The following KAZN variants were observed in gnomAD, a reference collection of about 807,000 sequenced individuals.
KAZN encodes the protein kazrin, periplakin interacting protein.
KAZN carries 40 observed loss-of-function variants against 87.4 expected under a neutral mutation model. The observed-to-expected ratio is 0.46, with a 90% CI of 0.36 to 0.60. The LOEUF (loss-of-function observed/expected upper bound fraction) is 0.60. KAZN is among the 20% of genes least tolerant of loss of function. The pLI, the probability that KAZN is intolerant of heterozygous loss-of-function variation, is 0.00. For missense variants in KAZN, 898 were observed against 1,073.9 expected (o/e 0.84, Z 2.29); for synonymous variants, 466 against 458.3 (o/e 1.02, Z -0.22).
chr1:15,107,970 G>T (rs915213705), intron 13 of KAZN, among the ~76,000 whole-genome samples: 1 of 152,144 alleles, frequency 6.6e-6, no homozygotes, highest in Non-Finnish European at 1.5e-5. Context: ...TTCTGCCCCT[G>T]CCTTCATCTG....
At chr1:14,286,166 A>G (rs571232975) in intron 2 of KAZN, among the ~76,000 whole-genome samples, 58 of 152,286 alleles carry the variant, frequency 3.8e-4, no homozygotes, top group African/African-American at 1.4e-3. Flanking sequence ...GAAGTCCAAG[A>G]TCAAGGCATT....
intron 5 of KAZN, among the ~76,000 whole-genome samples, chr1:15,058,645 C>T (rs560554716): frequency 1.9e-3 from 284 of 152,238 alleles, no homozygotes; most frequent in African/African-American, 6.5e-3. Context: ...CTCTGGGATT[C>T]GACAGGATAA....
intron 2 of KAZN, among the ~76,000 whole-genome samples, chr1:14,227,181 T>A (rs1222756494): frequency 1.3e-5 from 2 of 152,204 alleles, no homozygotes; most frequent in Non-Finnish European, 2.9e-5. Flanking sequence ...AGTCAGATTG[T>A]ACTGGCAACC....
intron 1 of KAZN, among the ~76,000 whole-genome samples, chr1:14,682,004 A>G (rs1640691313): frequency 6.6e-6 from 1 of 151,928 alleles, no homozygotes; most frequent in African/African-American, 2.4e-5. Flanking sequence ...CTATTTTTAA[A>G]TGTATTGTTC....
At chr1:14,772,896 C>T (rs1302808075) in intron 1 of KAZN, among the ~76,000 whole-genome samples, 2 of 152,048 alleles carry the variant, frequency 1.3e-5, no homozygotes, top group Admixed American at 6.5e-5. Context: ...TGGGGCACAC[C>T]ACATTGGCCT....
At chr1:14,984,851 T>C (rs1219655464) in intron 2 of KAZN, among the ~76,000 whole-genome samples, 1 of 151,782 alleles carries the variant, frequency 6.6e-6, no homozygotes, top group Non-Finnish European at 1.5e-5. Context: ...ATAAAAGAAA[T>C]GGGTGATTCA....
At chr1:14,067,559 T>A (rs1643057284) in intron 1 of KAZN, among the ~76,000 whole-genome samples, 1 of 152,160 alleles carries the variant, frequency 6.6e-6, no homozygotes, top group Non-Finnish European at 1.5e-5. Context: ...TGTTTATATT[T>A]CCAGTGCCTG....
intron 2 of KAZN, among the ~76,000 whole-genome samples, chr1:14,999,517 T>TCCCCCCCCCCCCCCCC (rs1557701638): frequency 2.5e-5 from 2 of 80,992 alleles, no homozygotes; most frequent in African/African-American, 9.9e-5. Flanking sequence ...CGCCCCGCCA[T>TCCCCCCCCCCCCCCCC]CCAGACCTTG....
At position 14,086,357 on chromosome 1, in the gene KAZN, GTC is replaced by G. The variant is rs903937068; in HGVS notation, c.92-94075_92-94074del. Among the ~76,000 whole-genome samples the G allele has an allele frequency of 2.0e-5, 3 of 152,040 alleles. No individual in the cohort carries two copies. The East Asian group carries it at 5.8e-4, about 30-fold the overall frequency. The stretch of plus-strand genomic sequence containing the variant: ...TCCTGATGCTCCTCCCCTCCCCCAG[GTC>G]TCCCCCAACAGGACCCAGTGTATGT... On this transcript the variant is annotated intron_variant, in intron 1 of 16. Transcript: ENST00000636203.
At chr1:14,144,871 C>G (rs1052696313) in intron 1 of KAZN, among the ~76,000 whole-genome samples, 2 of 152,118 alleles carry the variant, frequency 1.3e-5, no homozygotes, top group African/African-American at 4.8e-5. Flanking sequence ...CACACTCACC[C>G]CACAGGAAAG....
At chr1:14,876,940 C>T (rs755292630) in intron 1 of KAZN, among the ~76,000 whole-genome samples, 4 of 152,210 alleles carry the variant, frequency 2.6e-5, no homozygotes, top group Non-Finnish European at 5.9e-5. Context: ...ATTAGTCAGA[C>T]ATTTTTGAGT....
At chr1:14,023,038 G>A (rs1640919246) in intron 1 of KAZN, among the ~76,000 whole-genome samples, 1 of 152,144 alleles carries the variant, frequency 6.6e-6, no homozygotes, top group African/African-American at 2.4e-5. Context: ...TCATTGGCTG[G>A]GTATGGTGGC....
Position 14,456,453 on chromosome 1 carries a change from G to A in KAZN, c.250-142530G>A, listed in dbSNP as rs1435956340. Among the ~76,000 whole-genome samples, 6 of 151,872 alleles carry A rather than the reference G, an allele frequency of 4.0e-5. No individual in the cohort carries two copies. The South Asian group carries it at 8.3e-4, about 21-fold the overall frequency. On this transcript the variant is annotated intron_variant, in intron 2 of 16. Coordinates refer to the KAZN transcript ENST00000636203. ...TATGTTGAAGCTTTTATTTGTAGACGTTTATACCTGTTCTTACAAGATATG... is the reference window on the plus strand; with the variant it reads ...TATGTTGAAGCTTTTATTTGTAGACATTTATACCTGTTCTTACAAGATATG...
chr1:14,940,898 CTTTTTTT>C (rs66777443), intron 1 of KAZN, among the ~76,000 whole-genome samples: 6 of 54,410 alleles, frequency 1.1e-4, no homozygotes, highest in African/African-American at 1.7e-4. Context: ...TTCTACCTTT[CTTTTTTT>C]TTTTTTTTTT....
In KAZN at chr1:14,631,210, G is replaced by A. The variant is rs147506350; in HGVS notation, c.226+31987G>A. On this transcript the variant is annotated intron_variant, in intron 1 of 14. Transcript: ENST00000376030. ...GCTACTAGGAAGTGACCCCCTCTGC[G>A]CTGGGATCTAAGAGATTAAAAGGGC... 9.3e-3 allele frequency among the ~76,000 whole-genome samples: 1,422 copies of A among 152,236 alleles called. 13 individuals carry two copies. The highest frequency in any genetic ancestry group is 0.013 in the Non-Finnish European group (899 of 68,020).
rs1646823028 is a variant in KAZN at position 14,824,386 on chromosome 1, T to C, written c.227-136298T>C. ...ACACTGTCAATAAAAGTGCATTGAC[T>C]ACTGCTCCTGGGAGGTATATTTAAG... On this transcript the variant is annotated intron_variant, in intron 1 of 14. Coordinates refer to ENST00000376030, the MANE Select transcript of KAZN (RefSeq NM_201628.3). Among the ~76,000 whole-genome samples, 3 of 152,316 alleles carry C rather than the reference T, an allele frequency of 2.0e-5. No individual in the cohort carries two copies. In the South Asian group the frequency reaches 6.2e-4, roughly 32 times the overall value.
At chr1:14,962,810 A>T (rs1664036123) in intron 2 of KAZN, among the ~76,000 whole-genome samples, 1 of 151,880 alleles carries the variant, frequency 6.6e-6, no homozygotes. Context: ...GGAGGAGAAA[A>T]ACCTCCCTTA....
intron 2 of KAZN, among the ~76,000 whole-genome samples, chr1:14,432,686 G>A (rs1557717844): frequency 6.6e-6 from 1 of 152,074 alleles, no homozygotes; most frequent in Non-Finnish European, 1.5e-5. Flanking sequence ...AGCCCTGCAT[G>A]CATTAGGTAT....
At chr1:14,237,068 C>T (rs1648494125) in intron 2 of KAZN, among the ~76,000 whole-genome samples, 1 of 152,160 alleles carries the variant, frequency 6.6e-6, no homozygotes, top group African/African-American at 2.4e-5. Context: ...TCAGAAAATG[C>T]CTTTTTCTGT....
Sources: allele counts gnomAD v4.1 joint callset (sites outside exome capture counted in the v4.1 genomes callset), GRCh38; gene constraint gnomAD v4.1.1; transcripts MANE v1.5; gene names NCBI Gene and HGNC (gene_info 2026-07-23, HGNC 2026-07-21).